The following SPINT1 variants were observed in gnomAD, a reference collection of about 807,000 sequenced individuals.
The protein encoded by SPINT1 is serine peptidase inhibitor, Kunitz type 1, also known as kunitz-type protease inhibitor 1.
SPINT1 carries 38 observed loss-of-function variants against 53.7 expected under a neutral mutation model. That is an observed-to-expected ratio of 0.71 (90% confidence interval 0.55 to 0.93). The LOEUF is 0.93. Ranked by LOEUF, SPINT1 falls within the 40% of genes least tolerant of loss-of-function variation. SPINT1 has a pLI of 0.00. For missense variants in SPINT1, 645 were observed against 692.9 expected, an observed-to-expected ratio of 0.93 and a Z score of 0.78; for synonymous variants, 283 against 280.6, an observed-to-expected ratio of 1.01 and a Z score of -0.08.
chr15:40,856,371 C>G, intron 10 of SPINT1, 48 bp downstream of exon 10: 1 of 1,609,008 alleles, frequency 6.2e-7, no homozygotes, highest in Non-Finnish European at 8.5e-7. Flanking sequence ...TAGGTATCAA[C>G]TCACGGATCA....
In SPINT1 at chr15:40,845,011, C is replaced by T. The variant is rs1891245480; in HGVS notation, c.457C>T (p.Arg153Trp). 3.1e-6 allele frequency: 5 copies of T among 1,609,060 alleles called. No individual in the cohort carries two copies. Among genetic ancestry groups the T allele is most frequent in the South Asian group, 1.1e-5 (1 of 90,392 alleles). ...REVYRSYRQLRTQGFGGSGIP... is the reference protein window; with the variant it reads ...REVYRSYRQLWTQGFGGSGIP... Reference sequence around the variant, plus strand: ...AGTGTACCGCTCCTACCGCCAGCTGCGGACCCAGGGCTTTGGAGGTGAGGA... The same window carrying T: ...AGTGTACCGCTCCTACCGCCAGCTGTGGACCCAGGGCTTTGGAGGTGAGGA... Residue 153 changes from arginine (R) to tryptophan (W), a missense_variant, in exon 2 of 11, where the codon CGG (arginine) becomes TGG (tryptophan). Arg to Trp is a moderately radical substitution (Grantham distance 101, BLOSUM62 -3). Coordinates refer to ENST00000562057, the MANE Select transcript of SPINT1 (RefSeq NM_003710.4).
rs746682514 is a variant in SPINT1, at chr15:40,857,016, T to C, written c.*41T>C. 15 of 1,606,046 alleles carry C rather than the reference T, an allele frequency of 9.3e-6. No individual in the cohort carries two copies. Among genetic ancestry groups the C allele is most frequent in the Non-Finnish European group, 1.2e-5 (14 of 1,174,308 alleles). On this transcript the variant is annotated 3_prime_UTR_variant, in exon 11 of 11. Coordinates refer to ENST00000562057, the MANE Select transcript of SPINT1 (RefSeq NM_003710.4). ...GCTCTCACCTGGCCCTGCTTCCTGC[T>C]TGCCAAGGCAGAGGCCTGGGCTGGG...
chr15:40,855,959 C>A lies in SPINT1; in HGVS notation c.1185C>A (p.Pro395=). 1 of 1,614,264 alleles carries A rather than the reference C, an allele frequency of 6.2e-7. No homozygotes were observed. ...KESIPRWYYN[P]FSEHCARFTY... ...GCATCCCGCGCTGGTACTACAACCC[C>A]TTCAGCGAACACTGCGCCCGCTTTA... Residue 395 remains proline (P), a synonymous_variant, in exon 9 of 11, where the codon CCC becomes CCA. Transcript: ENST00000562057.
intron 2 of SPINT1, among the ~76,000 whole-genome samples, chr15:40,848,082 T>G (rs1308772669): frequency 1.3e-5 from 2 of 152,178 alleles, no homozygotes; most frequent in Non-Finnish European, 2.9e-5. Context: ...CTTTTTACTA[T>G]TTTTGTAGGC....
rs1440436157 is a variant in SPINT1 at position 40,845,037 on chromosome 15, G to A, written c.475+8G>A. 2 of 1,595,396 alleles carry A rather than the reference G, an allele frequency of 1.3e-6. No individual in the cohort carries two copies. Among genetic ancestry groups the A allele is most frequent in the South Asian group, 2.3e-5 (2 of 87,792 alleles). On this transcript the variant is annotated splice_region_variant and intron_variant, in intron 2 of 10. Transcript: ENST00000562057. Reference sequence around the variant, plus strand: ...GGACCCAGGGCTTTGGAGGTGAGGAGGGTGCCAAGATGGATGGGTTTGGAG... The same window carrying A: ...GGACCCAGGGCTTTGGAGGTGAGGAAGGTGCCAAGATGGATGGGTTTGGAG...
chr15:40,853,164 G>A lies in SPINT1; in HGVS notation c.516G>A (p.Lys172=), dbSNP rs368407939. 24 of 1,614,048 alleles carry A rather than the reference G, an allele frequency of 1.5e-5. No homozygotes were observed. Among genetic ancestry groups the A allele is most frequent in the Middle Eastern group, 1.6e-4 (1 of 6,084 alleles). Residue 172 remains lysine (K), a synonymous_variant, in exon 3 of 11, where the codon AAG becomes AAA. Coordinates refer to ENST00000562057, the MANE Select transcript of SPINT1 (RefSeq NM_003710.4). The part of the protein sequence containing the change: ...IPKAWAGIDL[K]VQPQEPLVLK... ...AGGCCTGGGCAGGCATAGACTTGAA[G>A]GTACAACCCCAGGAACCCCTGGTGC...
rs1490606639 is a variant in SPINT1 at position 40,844,264 on chromosome 15, C to A, written c.-66+78C>A. On this transcript the variant is annotated intron_variant, in intron 1 of 10. Transcript: ENST00000562057. The surrounding 1 kb of genome is among the most constrained non-coding windows in gnomAD (Gnocchi z 5.8). ...CATGTCCGGCCCTTTGTTCTGCGCTCGTGCGTGTGTCCGGGTACTTGAGCT... is the reference window on the plus strand; with the variant it reads ...CATGTCCGGCCCTTTGTTCTGCGCTAGTGCGTGTGTCCGGGTACTTGAGCT... 2 of 530,834 alleles carry A rather than the reference C, an allele frequency of 3.8e-6. No individual in the cohort carries two copies. Among genetic ancestry groups the A allele is most frequent in the African/African-American group, 2.0e-5 (1 of 49,204 alleles). The allele number at this position is 530,834 out of a possible 1,614,324, so 32.9% of individuals were successfully genotyped here.
chr15:40,848,755 G>A (rs561939782), intron 2 of SPINT1, among the ~76,000 whole-genome samples: 1 of 152,056 alleles, frequency 6.6e-6, no homozygotes, highest in South Asian at 2.1e-4. Context: ...ATATATAAAG[G>A]GCAAAACAAG....
chr15:40,853,395 C>T lies in SPINT1; in HGVS notation c.604-94C>T, dbSNP rs368856152. The T allele has an allele frequency of 7.0e-4, 1,122 of 1,601,132 alleles. 23 individuals are homozygous for T. The South Asian group carries it at 0.011, about 16-fold the overall frequency. On this transcript the variant is annotated intron_variant, in intron 3 of 10. Transcript: ENST00000562057. ...ATGCATTTAATCCAACTCCCCCTGGCCTCCCCAGGGGTGTGGGTGTGTGTC... is the reference window on the plus strand; with the variant it reads ...ATGCATTTAATCCAACTCCCCCTGGTCTCCCCAGGGGTGTGGGTGTGTGTC...
At chr15:40,855,305 T>C (rs1005366683) in intron 8 of SPINT1, among the ~76,000 whole-genome samples, 1 of 152,124 alleles carries the variant, frequency 6.6e-6, no homozygotes, top group Non-Finnish European at 1.5e-5. Context: ...CACTTGAACC[T>C]GGGAGGTAGA....
At chr15:40,855,628 G>A (rs2142016399) in intron 8 of SPINT1, among the ~76,000 whole-genome samples, 1 of 152,340 alleles carries the variant, frequency 6.6e-6, no homozygotes, top group South Asian at 2.1e-4. Flanking sequence ...GGAAAACTGA[G>A]ACCGTGACCC....
intron 2 of SPINT1, 73 bp downstream of exon 2, chr15:40,845,102 A>G (rs1891249765): frequency 8.0e-7 from 1 of 1,253,694 alleles, no homozygotes; most frequent in East Asian, 2.4e-5. Flanking sequence ...CCTAGGGGAG[A>G]CGAACATCAG....
At chr15:40,847,832 G>A (rs1471576118) in intron 2 of SPINT1, among the ~76,000 whole-genome samples, 1 of 151,922 alleles carries the variant, frequency 6.6e-6, no homozygotes, top group African/African-American at 2.4e-5. Context: ...CACTCTGGGG[G>A]CCTGGTGGGG....
chr15:40,855,147 G>A (rs926448365), intron 8 of SPINT1, among the ~76,000 whole-genome samples: 7 of 152,118 alleles, frequency 4.6e-5, no homozygotes, highest in African/African-American at 1.2e-4. Context: ...TTGAGAGGCC[G>A]AGGCTGGCAG....
At position 40,844,593 on chromosome 15, in the gene SPINT1, C is replaced by G. The variant is rs773925092; in HGVS notation, c.39C>G (p.Ala13=). Residue 13 remains alanine, a synonymous_variant, in exon 2 of 11, where the codon GCC becomes GCG. Transcript: ENST00000562057. This position sits in a 1 kb window ranked among gnomAD's most constrained non-coding sequence, Gnocchi z 5.8. ...PARTMARARL[A]PAGIPAVALW... ...GGACGATGGCCCGCGCCCGCCTCGC[C>G]CCGGCCGGCATCCCTGCCGTCGCCT... is the stretch of plus-strand genomic sequence containing the variant. 1.2e-6 allele frequency: 2 copies of G among 1,609,934 alleles called. No individual in the cohort carries two copies. The highest frequency in any genetic ancestry group is 4.5e-5 in the East Asian group (2 of 44,730).
rs749617310 is a variant in SPINT1 at position 40,844,771 on chromosome 15, G to T, written c.217G>T (p.Ala73Ser). 1.9e-6 allele frequency: 3 copies of T among 1,612,502 alleles called. No individual in the cohort carries two copies. Among genetic ancestry groups the T allele is most frequent in the South Asian group, 2.2e-5 (2 of 90,926 alleles). ...CACCAACGCCTCGGTCAGCAACGGA[G>T]CTACCTTCCTGGAGTCCCCCACCGT... ...LDTNASVSNG[A>S]TFLESPTVRR... The change falls in exon 2 of 11, where the codon GCT (alanine) becomes TCT (serine). Residue 73 changes from alanine (A) to serine (S), a missense_variant. By Grantham distance (99) the Ala-to-Ser change is moderately conservative. Transcript: ENST00000562057. This position sits in a 1 kb window ranked among gnomAD's most constrained non-coding sequence, Gnocchi z 5.8.
intron 2 of SPINT1, among the ~76,000 whole-genome samples, chr15:40,852,223 G>T (rs1596150111): frequency 6.6e-6 from 1 of 152,084 alleles, no homozygotes; most frequent in East Asian, 1.9e-4. Flanking sequence ...TCTTCGCGTG[G>T]CCTTCTCTTC....
intron 2 of SPINT1, among the ~76,000 whole-genome samples, chr15:40,846,286 C>T (rs1200977046): frequency 6.6e-6 from 1 of 152,190 alleles, no homozygotes; most frequent in Non-Finnish European, 1.5e-5. Context: ...TTCTCTCTAC[C>T]TGCTGTTCTG....
chr15:40,854,522 T>C lies in SPINT1; in HGVS notation c.1066T>C (p.Tyr356His), dbSNP rs755173095. The change falls in exon 7 of 11, where the codon TAC becomes CAC. Residue 356 changes from tyrosine to histidine, a missense_variant and splice_region_variant. Coordinates refer to ENST00000562057, the MANE Select transcript of SPINT1 (RefSeq NM_003710.4). ...CTCCGACGAGGCTGCCTGTGAAAAA[T>C]GTGAGGCCTGGGGGATAGAGGGGGT... ...DASDEAACEK[Y>H]TSGFDELQRI... is the part of the protein sequence containing the mutation. 6.2e-7 allele frequency: 1 copy of C among 1,613,188 alleles called. No homozygotes were observed. Among genetic ancestry groups the C allele is most frequent in the East Asian group, 2.2e-5 (1 of 44,836 alleles).
Sources: gnomAD v4.1 joint callset for allele counts (sites outside exome capture counted in the v4.1 genomes callset) on GRCh38, gnomAD v4.1.1 for gene constraint, Gnocchi (gnomAD v3.1) non-coding constraint, MANE v1.5 for transcripts, NCBI Gene and HGNC (gene_info 2026-07-23, HGNC 2026-07-21) for gene names.